The following APP variants were observed in gnomAD, a reference collection of about 807,000 sequenced individuals.
APP encodes amyloid beta precursor protein.
Under a neutral mutation model 101.4 loss-of-function variants are expected in APP, and 31 were observed. That is an observed-to-expected ratio of 0.31 (90% CI 0.23 to 0.41). The LOEUF (loss-of-function observed/expected upper bound fraction) is 0.41, where lower values mean the gene tolerates loss of function less well. Ranked by LOEUF, APP falls within the 10% of genes least tolerant of loss-of-function variation. APP has a pLI of 1.00. For missense variants in APP, 839 were observed against 1,003.7 expected (o/e 0.84, Z 2.22); for synonymous variants, 366 against 364.4 (o/e 1.00, Z -0.05).
intron 3 of APP, among the ~76,000 whole-genome samples, chr21:26,079,473 GA>G (rs1367998726): frequency 6.6e-6 from 1 of 152,122 alleles, no homozygotes. Context: ...GGTTGGCCCA[GA>G]AAAGTTCACA....
At chr21:26,042,926 A>G (rs2045440099) in intron 5 of APP, among the ~76,000 whole-genome samples, 2 of 150,944 alleles carry the variant, frequency 1.3e-5, no homozygotes, top group Admixed American at 6.6e-5. Context: ...AAAAAAAAAA[A>G]TCACTTTAAT....
intron 17 of APP, among the ~76,000 whole-genome samples, chr21:25,889,065 T>C (rs1353536174): frequency 6.6e-6 from 1 of 152,214 alleles, no homozygotes; most frequent in Non-Finnish European, 1.5e-5. Flanking sequence ...GGTGGAGGCC[T>C]TGCTTTTATG....
At chr21:26,056,433 A>G (rs1415832974) in intron 3 of APP, among the ~76,000 whole-genome samples, 7 of 152,314 alleles carry the variant, frequency 4.6e-5, no homozygotes, top group African/African-American at 1.7e-4. Context: ...TTCATTAGCT[A>G]AGGATGTTAC....
chr21:25,911,705 T>A, intron 14 of APP, 36 bp downstream of exon 14: 1 of 1,586,878 alleles, frequency 6.3e-7, no homozygotes, highest in African/African-American at 1.3e-5. Context: ...TATATATACC[T>A]CCCAGAACGC....
chr21:25,945,842 T>A, intron 13 of APP: 3 of 452,830 alleles, frequency 6.6e-6, no homozygotes, highest in South Asian at 4.7e-5. Context: ...ATAGATGTTA[T>A]CATGCCTGGA....
chr21:25,962,665 T>C (rs1434078079), intron 11 of APP, among the ~76,000 whole-genome samples: 3 of 152,252 alleles, frequency 2.0e-5, no homozygotes, highest in Non-Finnish European at 2.9e-5. Flanking sequence ...AAATATTTAA[T>C]GGACTTCATA....
intron 3 of APP, among the ~76,000 whole-genome samples, chr21:26,087,304 T>A (rs2061724024): frequency 6.6e-6 from 1 of 152,214 alleles, no homozygotes; most frequent in African/African-American, 2.4e-5. Flanking sequence ...TCAGGTCCAA[T>A]GGAAAAGGAC....
At chr21:25,994,552 C>T (rs565368115) in intron 8 of APP, among the ~76,000 whole-genome samples, 2 of 152,288 alleles carry the variant, frequency 1.3e-5, no homozygotes, top group African/African-American at 4.8e-5. Context: ...CATTTTCTCC[C>T]TAAGTGTAAT....
At chr21:26,047,345 GCAT>G (rs745603121) in intron 5 of APP, among the ~76,000 whole-genome samples, 12 of 152,184 alleles carry the variant, frequency 7.9e-5, no homozygotes, top group Non-Finnish European at 1.2e-4. Context: ...TTGTCACGTA[GCAT>G]CCCCTGAAGA....
chr21:25,981,723 T>G (rs199552109), intron 9 of APP, among the ~76,000 whole-genome samples: 35,084 of 148,890 alleles, frequency 0.24, 4,711 homozygotes, highest in East Asian at 0.42. Flanking sequence ...TTTTTTTTTT[T>G]TTTTTTTTTT....
At chr21:25,959,458 TAAAAAC>T (rs1187247975) in intron 11 of APP, among the ~76,000 whole-genome samples, 1 of 152,112 alleles carries the variant, frequency 6.6e-6, no homozygotes, top group African/African-American at 2.4e-5. Flanking sequence ...AAAACAAAGT[TAAAAAC>T]AAAGAAATAA....
At chr21:26,046,087 T>C (rs1424021797) in intron 5 of APP, among the ~76,000 whole-genome samples, 1 of 151,558 alleles carries the variant, frequency 6.6e-6, no homozygotes, top group Admixed American at 6.6e-5. Flanking sequence ...TGGGAAAGAC[T>C]TGCCCCCATG....
intron 2 of APP, among the ~76,000 whole-genome samples, chr21:26,111,629 TG>T (rs2062326837): frequency 6.6e-6 from 1 of 151,860 alleles, no homozygotes. Flanking sequence ...TCCAGCTACT[TG>T]GGAGGCTGAG....
chr21:26,101,074 C>T (rs118014450), intron 2 of APP, among the ~76,000 whole-genome samples: 3,341 of 141,774 alleles, frequency 0.024, 81 homozygotes, highest in Admixed American at 0.068. Flanking sequence ...GAGCCTGTTT[C>T]AAGTTATCTC....
intron 1 of APP, chr21:26,140,413 G>C: frequency 7.3e-7 from 1 of 1,369,014 alleles, no homozygotes; most frequent in Non-Finnish European, 9.6e-7. Flanking sequence ...CACGCACACT[G>C]CGCCAACTTC....
chr21:25,897,847 C>T (rs2038181788), intron 15 of APP, 174 bp from the exon 16 acceptor site: 2 of 621,484 alleles, frequency 3.2e-6, no homozygotes, highest in Non-Finnish European at 5.7e-6. Context: ...TCAATTACTA[C>T]CTATTTTGAA....
intron 5 of APP, among the ~76,000 whole-genome samples, chr21:26,037,785 A>G (rs532459762): frequency 6.6e-5 from 10 of 152,340 alleles, no homozygotes; most frequent in Non-Finnish European, 1.0e-4. Flanking sequence ...ATTTTCCAAT[A>G]ATAGTAGCTA....
chr21:26,141,480 T>C (rs1048093274), intron 1 of APP, among the ~76,000 whole-genome samples: 7 of 152,178 alleles, frequency 4.6e-5, no homozygotes, highest in Admixed American at 4.6e-4. Context: ...GGGTTCTGGA[T>C]GACTGAGTTC....
intron 1 of APP, among the ~76,000 whole-genome samples, chr21:26,151,767 C>T (rs2063275240): frequency 6.6e-6 from 1 of 152,172 alleles, no homozygotes; most frequent in Non-Finnish European, 1.5e-5. Flanking sequence ...GCTCAGGCAG[C>T]AACACTCACT....
Sources: allele counts gnomAD v4.1 joint callset (sites outside exome capture counted in the v4.1 genomes callset), GRCh38; gene constraint gnomAD v4.1.1; transcripts MANE v1.5; gene names NCBI Gene and HGNC (gene_info 2026-07-23, HGNC 2026-07-21).